Variants in PAX2 observed in about 807,000 individuals in gnomAD.
The protein encoded by PAX2 is paired box protein Pax-2.
PAX2 carries 9 observed loss-of-function variants against 41.7 expected under a neutral mutation model. The observed-to-expected ratio is 0.22, with a 90% CI of 0.13 to 0.38. The LOEUF is 0.38. PAX2 is among the 10% of genes least tolerant of loss of function. The pLI, the probability that PAX2 is intolerant of heterozygous loss-of-function variation, is 1.00. For synonymous variants in PAX2, 221 were observed against 212.7 expected, an observed-to-expected ratio of 1.04 and a Z score of -0.34; for missense variants, 418 against 531.6, an observed-to-expected ratio of 0.79 and a Z score of 2.10.
upstream of PAX2, among the ~76,000 whole-genome samples, chr10:100,741,971 G>A (rs1302230505): frequency 1.3e-5 from 2 of 152,168 alleles, no homozygotes; most frequent in African/African-American, 4.8e-5. Flanking sequence ...AAGGAGGAAG[G>A]CAGGTCCCGG....
At chr10:100,801,605 G>T (rs1221246335) in intron 5 of PAX2, among the ~76,000 whole-genome samples, 1 of 152,196 alleles carries the variant, frequency 6.6e-6, no homozygotes, top group Non-Finnish European at 1.5e-5. Flanking sequence ...GCTAGTTATG[G>T]TAACATGAAA....
intron 1 of PAX2, chr10:100,749,476 G>A (rs910841631): frequency 1.2e-4 from 155 of 1,289,508 alleles, no homozygotes; most frequent in Non-Finnish European, 1.4e-4. Flanking sequence ...CTGTCATCTG[G>A]TTTCTCTCCA....
intron 7 of PAX2, among the ~76,000 whole-genome samples, chr10:100,817,739 G>T (rs1019481666): frequency 1.3e-5 from 2 of 152,228 alleles, no homozygotes; most frequent in African/African-American, 2.4e-5. Context: ...AGAGCCTGGG[G>T]CTGTGGGCTG....
chr10:100,824,353 T>C lies in PAX2; in HGVS notation c.920-295T>C, dbSNP rs867458996. ...GCACAGAGACACAGGCAAAGGCAGA[T>C]ACACACACACACACACACACACACA... On this transcript the variant is annotated intron_variant, in intron 7 of 9. Transcript: ENST00000355243. This position sits in a 1 kb window ranked among gnomAD's most constrained non-coding sequence, Gnocchi z 6.6. Among the ~76,000 whole-genome samples the C allele has an allele frequency of 1.5e-5, 2 of 135,470 alleles. No homozygotes were observed. The highest frequency in any genetic ancestry group is 2.7e-5 in the African/African-American group (1 of 36,642). The allele number at this position is 135,470 out of a possible 152,430, so 88.9% of individuals were successfully genotyped here. A position where few individuals can be genotyped will look rare whatever the true frequency, so the allele number is the denominator to read the frequency against.
chr10:100,781,071 A>G (rs189076747), intron 4 of PAX2, among the ~76,000 whole-genome samples, 175 bp from the exon 5 acceptor site: 1 of 152,300 alleles, frequency 6.6e-6, no homozygotes, highest in East Asian at 1.9e-4. Flanking sequence ...GTATATGGCA[A>G]TGCAGTCCCC....
intron 3 of PAX2, among the ~76,000 whole-genome samples, chr10:100,772,804 A>G (rs1657282247): frequency 6.6e-6 from 1 of 152,188 alleles, no homozygotes; most frequent in African/African-American, 2.4e-5. Context: ...AAGCTCTGCT[A>G]GGAAGTAATT....
intron 3 of PAX2, among the ~76,000 whole-genome samples, chr10:100,758,652 G>A (rs1845725284): frequency 6.6e-6 from 1 of 152,244 alleles, no homozygotes; most frequent in Admixed American, 6.5e-5. Context: ...TGGACAAACA[G>A]CCGGAGCACA....
At chr10:100,773,831 T>G (rs1381025343) in intron 3 of PAX2, among the ~76,000 whole-genome samples, 2 of 152,184 alleles carry the variant, frequency 1.3e-5, no homozygotes, top group Admixed American at 1.3e-4. Flanking sequence ...ACACAGGACT[T>G]GTGCTCAGCA....
At chr10:100,781,897 C>G (rs1306283918) in intron 5 of PAX2, among the ~76,000 whole-genome samples, 2 of 152,182 alleles carry the variant, frequency 1.3e-5, no homozygotes, top group African/African-American at 4.8e-5. Flanking sequence ...TCCAAATCCC[C>G]TGGCCCTCTC....
rs1847930719 is a variant in PAX2, at chr10:100,809,802, G to C, written c.919+566G>C. Reference sequence around the variant, plus strand: ...AGAGAGGTCAGTGACACCAAGGCTTGATTTCAAGGCCAGGTAGGATCAGGC... The same window carrying C: ...AGAGAGGTCAGTGACACCAAGGCTTCATTTCAAGGCCAGGTAGGATCAGGC... On this transcript the variant is annotated intron_variant, in intron 7 of 9. Transcript: ENST00000355243. Among the ~76,000 whole-genome samples, 3 of 152,228 alleles carry C rather than the reference G, an allele frequency of 2.0e-5. No individual in the cohort carries two copies. In the South Asian group the frequency reaches 6.2e-4, roughly 32 times the overall value.
chr10:100,745,547 C>G (rs1043246013), upstream of PAX2, among the ~76,000 whole-genome samples: 3 of 152,052 alleles, frequency 2.0e-5, no homozygotes, highest in Non-Finnish European at 4.4e-5. Flanking sequence ...GGCTTTGCAG[C>G]TTTTAGAGAG....
chr10:100,786,128 C>T (rs759226346), intron 5 of PAX2, among the ~76,000 whole-genome samples: 23 of 152,292 alleles, frequency 1.5e-4, no homozygotes, highest in Non-Finnish European at 2.8e-4. Flanking sequence ...GCATAGGCGC[C>T]CTAACCTTGG....
At chr10:100,743,985 G>C (rs1845053754), upstream of PAX2, among the ~76,000 whole-genome samples, 1 of 152,212 alleles carries the variant, frequency 6.6e-6, no homozygotes, top group Admixed American at 6.5e-5. Flanking sequence ...CAAATGCCAG[G>C]ATCCCAGCGG....
rs568501536 is a variant in PAX2 at position 100,797,909 on chromosome 10, G to C, written c.617-8521G>C. ...CCTAGAGGCCGGTGGGTGTGAATGG[G>C]TACAGCAAGCCTGAGGTCAGACAGG... On this transcript the variant is annotated intron_variant, in intron 5 of 9. Transcript: ENST00000355243. Among the ~76,000 whole-genome samples the C allele has an allele frequency of 3.3e-5, 5 of 152,126 alleles. No individual in the cohort carries two copies. In the East Asian group the frequency reaches 9.7e-4, roughly 29 times the overall value.
At chr10:100,780,609 T>TA (rs1846579874) in intron 4 of PAX2, among the ~76,000 whole-genome samples, 1 of 152,152 alleles carries the variant, frequency 6.6e-6, no homozygotes, top group Non-Finnish European at 1.5e-5. Flanking sequence ...AATCTTGCCC[T>TA]AAGGGGGAAA....
In PAX2 at chr10:100,745,770, G is replaced by A. The variant is rs968694600; in HGVS notation, c.-491G>A. The A allele has an allele frequency of 9.5e-7, 1 of 1,051,610 alleles. No homozygotes were observed. Among genetic ancestry groups the A allele is most frequent in the Non-Finnish European group, 1.1e-6 (1 of 871,052 alleles). The allele number at this position is 1,051,610 out of a possible 1,614,324, so 65.1% of individuals were successfully genotyped here. ...CGCCACCTCGGACATCCCCGGGATT[G>A]CTACTTCTCTGCCAACTTCGCCAAC... On this transcript the variant is annotated 5_prime_UTR_variant, in exon 1 of 10. Coordinates refer to ENST00000355243, the MANE Select transcript of PAX2 (RefSeq NM_000278.5).
chr10:100,813,497 G>A (rs1052050754), intron 7 of PAX2, among the ~76,000 whole-genome samples: 6 of 152,236 alleles, frequency 3.9e-5, no homozygotes, highest in African/African-American at 1.4e-4. Context: ...GGATGGGGTT[G>A]TAACACACCA....
chr10:100,748,514 T>C lies in PAX2; in HGVS notation c.44-1232T>C. On this transcript the variant is annotated intron_variant, in intron 1 of 9. Coordinates refer to ENST00000355243, the MANE Select transcript of PAX2 (RefSeq NM_000278.5). This position sits in a 1 kb window ranked among gnomAD's most constrained non-coding sequence, Gnocchi z 5.0. ...CGCGTGAGGCTAGCGGGGCAGGGGCTGCAGCTTGCCAGTCCGGGCCGACCC... is the reference window on the plus strand; with the variant it reads ...CGCGTGAGGCTAGCGGGGCAGGGGCCGCAGCTTGCCAGTCCGGGCCGACCC... 2 of 985,222 alleles carry C rather than the reference T, an allele frequency of 2.0e-6. No homozygotes were observed. The highest frequency in any genetic ancestry group is 2.4e-6 in the Non-Finnish European group (2 of 829,876). 61.0% of individuals were successfully genotyped at this position (985,222 alleles called of 1,614,324 possible). A position where few individuals can be genotyped will look rare whatever the true frequency, so the allele number is the denominator to read the frequency against.
chr10:100,756,452 A>G (rs1191508546), intron 3 of PAX2, among the ~76,000 whole-genome samples: 5 of 152,248 alleles, frequency 3.3e-5, no homozygotes, highest in Admixed American at 6.5e-5. Flanking sequence ...TACTTCAAGT[A>G]CCCAAACAAC....
Sources: allele counts gnomAD v4.1 joint callset (sites outside exome capture counted in the v4.1 genomes callset), GRCh38; gene constraint gnomAD v4.1.1; non-coding constraint Gnocchi (gnomAD v3.1); transcripts MANE v1.5; gene names NCBI Gene and HGNC (gene_info 2026-07-23, HGNC 2026-07-21).